The following MAOB variants were observed in gnomAD, a reference collection of about 807,000 sequenced individuals.
MAOB encodes the protein amine oxidase [flavin-containing] B.
Under a neutral mutation model 41.9 loss-of-function variants are expected in MAOB, and 15 were observed. The observed-to-expected ratio is 0.36, with a 90% CI of 0.24 to 0.55. The LOEUF (loss-of-function observed/expected upper bound fraction) is 0.55. MAOB is among the 20% of genes least tolerant of loss of function. MAOB has a pLI of 0.86. For synonymous variants in MAOB, 167 were observed against 144.2 expected, an observed-to-expected ratio of 1.16 and a Z score of -1.13; for missense variants, 345 against 398.7, an observed-to-expected ratio of 0.87 and a Z score of 1.15.
rs755802920 is a variant in MAOB, at chrX:43,817,838, C to T, written c.280-14434G>A. On this transcript the variant is annotated intron_variant, in intron 3 of 14. Transcript: ENST00000378069. ...GTCACTTCCTCAGAGATGCTTTTCC[C>T]GTCAACCTTTATTATTCTTCATAGC... Among the ~76,000 whole-genome samples, 205 of 112,098 alleles carry T rather than the reference C, an allele frequency of 1.8e-3. 2 individuals are homozygous for T. The Middle Eastern group carries it at 0.018, about 10-fold the overall frequency.
intron 1 of MAOB, among the ~76,000 whole-genome samples, chrX:43,851,916 G>C (rs754797149): frequency 2.7e-5 from 3 of 111,728 alleles, no homozygotes; most frequent in East Asian, 5.6e-4. Context: ...CATCTTCTAG[G>C]AGCCTAGTGA....
rs760420109 is a variant in MAOB, at chrX:43,882,333, C to T, written c.-34G>A. On this transcript the variant is annotated 5_prime_UTR_variant, in exon 1 of 15. Coordinates refer to ENST00000378069, the MANE Select transcript of MAOB (RefSeq NM_000898.5). The stretch of plus-strand genomic sequence containing the variant: ...CCCCGTTCCAGGCCTCCCTGGTGCC[C>T]GCTGCTCCGTTTTCTGGGCCTCGAT... The T allele has an allele frequency of 1.3e-5, 15 of 1,193,939 alleles. No individual in the cohort carries two copies. The highest frequency in any genetic ancestry group is 1.7e-5 in the Non-Finnish European group (15 of 887,389).
rs183933399 is a variant in MAOB, at chrX:43,800,785, T to C, written c.476+1387A>G. ...AACATTTTAAAAATAAATGTTTGCATGGTAATATTAAACGTTAAAAATACT... is the reference window on the plus strand; with the variant it reads ...AACATTTTAAAAATAAATGTTTGCACGGTAATATTAAACGTTAAAAATACT... On this transcript the variant is annotated intron_variant, in intron 5 of 14. Coordinates refer to ENST00000378069, the MANE Select transcript of MAOB (RefSeq NM_000898.5). Among the ~76,000 whole-genome samples the C allele has an allele frequency of 4.7e-3, 527 of 112,177 alleles. 1 individual carries two copies. The highest frequency in any genetic ancestry group is 0.016 in the African/African-American group (510 of 30,968).
chrX:43,872,320 C>T (rs753495626), intron 1 of MAOB, among the ~76,000 whole-genome samples: 3 of 111,847 alleles, frequency 2.7e-5, no homozygotes, highest in Non-Finnish European at 5.6e-5. Context: ...GTGCCTACAA[C>T]TTCATTAAAT....
At chrX:43,774,191 A>G (rs753094268) in intron 12 of MAOB, among the ~76,000 whole-genome samples, 29 of 111,624 alleles carry the variant, frequency 2.6e-4, no homozygotes, top group Non-Finnish European at 4.5e-4. Context: ...TACATTTCTC[A>G]TCCTGTTTAG....
chrX:43,805,290 C>G (rs1200998134), intron 3 of MAOB, among the ~76,000 whole-genome samples: 2 of 111,348 alleles, frequency 1.8e-5, no homozygotes, highest in East Asian at 5.6e-4. Context: ...AATTTTGTAT[C>G]CTTTGACCAA....
intron 9 of MAOB, among the ~76,000 whole-genome samples, chrX:43,780,754 A>G (rs1272702401): frequency 9.0e-6 from 1 of 111,602 alleles, no homozygotes; most frequent in Non-Finnish European, 1.9e-5. Context: ...AATTTCATCC[A>G]GTCCTTGCTC....
intron 8 of MAOB, among the ~76,000 whole-genome samples, chrX:43,792,931 G>C (rs758637278): frequency 8.9e-6 from 1 of 111,933 alleles, no homozygotes; most frequent in Non-Finnish European, 1.9e-5. Context: ...ATCAACGTAG[G>C]TGCCCATCAA....
chrX:43,840,434 T>C lies in MAOB; in HGVS notation c.142-1429A>G, dbSNP rs764857576. On this transcript the variant is annotated intron_variant, in intron 2 of 14. Transcript: ENST00000378069. ...TCATAGTAGGTACTCAGTAGATATT[T>C]GCTGAGGACAAATTCAATTATAAAG... 8.0e-5 allele frequency among the ~76,000 whole-genome samples: 9 copies of C among 111,914 alleles called. No homozygotes were observed. In the East Asian group the frequency reaches 2.5e-3, roughly 32 times the overall value.
intron 8 of MAOB, among the ~76,000 whole-genome samples, chrX:43,786,850 C>A (rs773823874): frequency 9.0e-5 from 10 of 110,880 alleles, no homozygotes; most frequent in Admixed American, 2.9e-4. Context: ...GGTGAAGGAA[C>A]AAGGAGCAGA....
intron 7 of MAOB, 107 bp from the exon 8 acceptor site, chrX:43,793,685 A>T: frequency 1.4e-6 from 1 of 698,235 alleles, no homozygotes; most frequent in Admixed American, 3.7e-5. Flanking sequence ...CTCTTAAAGA[A>T]GTGACAAGGA....
chrX:43,852,888 A>G (rs757922322), intron 1 of MAOB, among the ~76,000 whole-genome samples: 57 of 111,528 alleles, frequency 5.1e-4, no homozygotes, highest in African/African-American at 1.8e-3. Context: ...TCTAGAAAAG[A>G]ACAAAGCCTA....
At chrX:43,801,021 T>C (rs2034586427) in intron 5 of MAOB, among the ~76,000 whole-genome samples, 1 of 110,451 alleles carries the variant, frequency 9.1e-6, no homozygotes, top group South Asian at 4.2e-4. Context: ...GATCTTCTAC[T>C]ATTGGGCTTT....
Position 43,823,334 on chromosome X carries a change from G to A in MAOB, c.279+15534C>T, listed in dbSNP as rs112826296. Among the ~76,000 whole-genome samples the A allele has an allele frequency of 1.0e-2, 1,085 of 108,551 alleles. 12 individuals are homozygous for A. The highest frequency in any genetic ancestry group is 0.031 in the African/African-American group (935 of 29,713). The allele number at this position is 108,551 out of a possible 115,157, so 94.3% of individuals were successfully genotyped here. A position where few individuals can be genotyped will look rare whatever the true frequency, so the allele number is the denominator to read the frequency against. Reference sequence around the variant, plus strand: ...ATTACAGGTGTGTGCCACCACACCCGGCTAATTTTTGTATTTTTAGTAGAA... The same window carrying A: ...ATTACAGGTGTGTGCCACCACACCCAGCTAATTTTTGTATTTTTAGTAGAA... On this transcript the variant is annotated intron_variant, in intron 3 of 14. Transcript: ENST00000378069.
intron 1 of MAOB, among the ~76,000 whole-genome samples, chrX:43,856,413 C>A (rs1019764186): frequency 8.9e-6 from 1 of 112,071 alleles, no homozygotes; most frequent in African/African-American, 3.2e-5. Context: ...GATAAAAGAA[C>A]CTGCTGAAAT....
chrX:43,768,026 A>G (rs2034133557), intron 14 of MAOB, among the ~76,000 whole-genome samples: 1 of 111,693 alleles, frequency 9.0e-6, no homozygotes, highest in South Asian at 3.8e-4. Context: ...ACAGCCCACA[A>G]TCCCATCCCT....
At chrX:43,796,251 C>T (rs924662036) in intron 6 of MAOB, among the ~76,000 whole-genome samples, 3 of 111,350 alleles carry the variant, frequency 2.7e-5, no homozygotes, top group Non-Finnish European at 5.6e-5. Context: ...CCCTAGCTTG[C>T]CTGAGCAGAC....
At chrX:43,777,820 A>G (rs1195655013) in intron 11 of MAOB, among the ~76,000 whole-genome samples, 1 of 112,141 alleles carries the variant, frequency 8.9e-6, no homozygotes, top group Non-Finnish European at 1.9e-5. Context: ...CTTCACAGAT[A>G]ATTGGATTTA....
At chrX:43,776,594 A>C (rs944155828) in intron 11 of MAOB, among the ~76,000 whole-genome samples, 1 of 108,699 alleles carries the variant, frequency 9.2e-6, no homozygotes, top group African/African-American at 3.4e-5. Flanking sequence ...TATTCTCCAG[A>C]CCTCTAGCAC....
Sources: allele counts gnomAD v4.1 joint callset (sites outside exome capture counted in the v4.1 genomes callset), GRCh38; gene constraint gnomAD v4.1.1; transcripts MANE v1.5; gene names NCBI Gene and HGNC (gene_info 2026-07-23, HGNC 2026-07-21).